The following ANTXR1 variants were observed in gnomAD, a reference collection of about 807,000 sequenced individuals.
ANTXR1 encodes anthrax toxin receptor 1.
Under a neutral mutation model 78.1 loss-of-function variants are expected in ANTXR1, and 19 were observed. The ratio of observed to expected loss-of-function variants is 0.24; its 90% CI spans 0.17 to 0.36. The LOEUF (loss-of-function observed/expected upper bound fraction) is 0.36. ANTXR1 is among the 10% of genes least tolerant of loss of function. The pLI is 1.00. For synonymous variants in ANTXR1, 273 were observed against 260.5 expected (o/e 1.05, Z -0.46); for missense variants, 518 against 718.6 (o/e 0.72, Z 3.19).
intron 9 of ANTXR1, among the ~76,000 whole-genome samples, chr2:69,100,150 G>A (rs1671559774): frequency 6.6e-6 from 1 of 152,334 alleles, no homozygotes; most frequent in Admixed American, 6.5e-5. Context: ...TCAGGGCTTT[G>A]TAGATTAGTG....
intron 12 of ANTXR1, among the ~76,000 whole-genome samples, chr2:69,142,885 C>A (rs2104417204): frequency 6.6e-6 from 1 of 152,240 alleles, no homozygotes; most frequent in Middle Eastern, 3.4e-3. Flanking sequence ...AGACTCAAAG[C>A]CTTGTACCTA....
At chr2:69,052,716 CT>C (rs1238096405) in intron 3 of ANTXR1, among the ~76,000 whole-genome samples, 1 of 152,074 alleles carries the variant, frequency 6.6e-6, no homozygotes, top group African/African-American at 2.4e-5. Flanking sequence ...AACATTTCTT[CT>C]GTCCATTCGA....
At chr2:69,119,929 G>A (rs1376398296) in intron 10 of ANTXR1, among the ~76,000 whole-genome samples, 2 of 152,240 alleles carry the variant, frequency 1.3e-5, no homozygotes, top group Non-Finnish European at 2.9e-5. Context: ...TACAGGAAGT[G>A]CTTAGAGATT....
intron 12 of ANTXR1, among the ~76,000 whole-genome samples, chr2:69,139,621 A>G (rs1319199142): frequency 6.6e-6 from 1 of 152,166 alleles, no homozygotes; most frequent in Non-Finnish European, 1.5e-5. Context: ...TTGATCATAG[A>G]TGATAGATGC....
intron 13 of ANTXR1, among the ~76,000 whole-genome samples, chr2:69,160,547 G>A (rs10176712): frequency 0.52 from 78,840 of 151,960 alleles, 21,685 homozygotes; most frequent in East Asian, 0.9. Flanking sequence ...AAACCTGGTT[G>A]CATACTGAAA....
chr2:69,178,262 C>G (rs942520863), intron 14 of ANTXR1, among the ~76,000 whole-genome samples: 2 of 152,238 alleles, frequency 1.3e-5, no homozygotes, highest in Non-Finnish European at 2.9e-5. Flanking sequence ...CCTTCTGTCT[C>G]CAGAATGTGT....
At chr2:69,152,009 G>C (rs1371620979) in intron 12 of ANTXR1, among the ~76,000 whole-genome samples, 160 bp from the exon 13 acceptor site, 1 of 152,228 alleles carries the variant, frequency 6.6e-6, no homozygotes, top group Non-Finnish European at 1.5e-5. Context: ...GTGTTGCAGG[G>C]CCATGAGCCC....
chr2:69,020,486 T>G (rs2103990282), intron 1 of ANTXR1, among the ~76,000 whole-genome samples: 1 of 152,314 alleles, frequency 6.6e-6, no homozygotes, highest in Non-Finnish European at 1.5e-5. Flanking sequence ...GGAGACCTGG[T>G]TAAACTCAGT....
intron 12 of ANTXR1, among the ~76,000 whole-genome samples, chr2:69,136,680 A>G (rs1471367758): frequency 2.0e-5 from 3 of 152,232 alleles, no homozygotes; most frequent in East Asian, 3.8e-4. Context: ...AGAAAAGAAT[A>G]AAAGTTTAAG....
At chr2:69,159,857 A>G (rs971894274) in intron 13 of ANTXR1, among the ~76,000 whole-genome samples, 3 of 152,250 alleles carry the variant, frequency 2.0e-5, no homozygotes, top group Middle Eastern at 3.2e-3. Context: ...GACATCTCCA[A>G]TGACAAATTG....
At position 69,244,411 on chromosome 2, in the gene ANTXR1, G is replaced by A. The variant is rs151086722; in HGVS notation, c.1435-814G>A. Reference sequence around the variant, plus strand: ...AGGCTACCTGCACAGGTGCAGCCGCGTGTAGAAGAGGGATTCCCACAGCCA... The same window carrying A: ...AGGCTACCTGCACAGGTGCAGCCGCATGTAGAAGAGGGATTCCCACAGCCA... On this transcript the variant is annotated intron_variant, in intron 17 of 17. Coordinates refer to ENST00000303714, the MANE Select transcript of ANTXR1 (RefSeq NM_032208.3). 2.7e-3 allele frequency among the ~76,000 whole-genome samples: 415 copies of A among 152,338 alleles called. 3 individuals carry two copies. The highest frequency in any genetic ancestry group is 2.8e-3 in the Non-Finnish European group (188 of 68,034).
At chr2:69,117,481 T>C (rs1290902017) in intron 10 of ANTXR1, among the ~76,000 whole-genome samples, 2 of 152,236 alleles carry the variant, frequency 1.3e-5, no homozygotes, top group Non-Finnish European at 2.9e-5. Context: ...TAGATATGCA[T>C]ATGTGTATAT....
chr2:69,097,724 A>C (rs547448684), intron 9 of ANTXR1, among the ~76,000 whole-genome samples: 2 of 152,144 alleles, frequency 1.3e-5, no homozygotes, highest in Admixed American at 1.3e-4. Flanking sequence ...CAGCCATTCC[A>C]CTCCGAGGTT....
intron 17 of ANTXR1, among the ~76,000 whole-genome samples, chr2:69,243,815 G>A (rs1433121543): frequency 6.6e-6 from 1 of 152,156 alleles, no homozygotes; most frequent in Admixed American, 6.5e-5. Context: ...CCACACCCCA[G>A]CCCCAGGCCC....
intron 17 of ANTXR1, among the ~76,000 whole-genome samples, chr2:69,217,684 TATTA>T (rs746641621): frequency 6.7e-5 from 10 of 149,520 alleles, no homozygotes; most frequent in Non-Finnish European, 1.2e-4. Context: ...AAAATACCCT[TATTA>T]ATTAACTACT....
chr2:69,163,838 C>A (rs1347321018), intron 13 of ANTXR1, among the ~76,000 whole-genome samples: 1 of 152,048 alleles, frequency 6.6e-6, no homozygotes, highest in East Asian at 1.9e-4. Flanking sequence ...TCAGTGGCGC[C>A]GAATACTGTC....
intron 14 of ANTXR1, chr2:69,172,686 C>T (rs1674027521): frequency 2.2e-6 from 1 of 456,090 alleles, no homozygotes; most frequent in Non-Finnish European, 3.1e-6. Context: ...ATGAAGATAA[C>T]TTTATAATAA....
intron 9 of ANTXR1, among the ~76,000 whole-genome samples, chr2:69,100,419 GGGGGTTAAATT>G (rs1245931672): frequency 6.6e-6 from 1 of 152,174 alleles, no homozygotes; most frequent in Non-Finnish European, 1.5e-5. Flanking sequence ...CCCTGGCCTA[GGGGGTTAAATT>G]GTTTGGTTTC....
intron 17 of ANTXR1, among the ~76,000 whole-genome samples, chr2:69,239,431 G>C (rs1397487035): frequency 6.6e-6 from 1 of 152,172 alleles, no homozygotes; most frequent in Non-Finnish European, 1.5e-5. Flanking sequence ...AATTAGCCAG[G>C]TGTGGTGGCA....
Sources: allele counts gnomAD v4.1 joint callset (sites outside exome capture counted in the v4.1 genomes callset), GRCh38; gene constraint gnomAD v4.1.1; transcripts MANE v1.5; gene names NCBI Gene and HGNC (gene_info 2026-07-23, HGNC 2026-07-21).